Variants in CYTH3 observed in about 807,000 individuals in gnomAD.
The protein encoded by CYTH3 is cytohesin 3, also known as cytohesin-3.
A neutral mutation model predicts 55.1 loss-of-function variants in CYTH3; 23 were observed. The observed-to-expected ratio is 0.42, with a 90% CI of 0.30 to 0.59. CYTH3 has a LOEUF of 0.59. Ranked by LOEUF, CYTH3 falls within the 20% of genes least tolerant of loss-of-function variation. The pLI, the probability that CYTH3 is intolerant of heterozygous loss-of-function variation, is 0.20. For missense variants in CYTH3, 413 were observed against 524.8 expected, an observed-to-expected ratio of 0.79 and a Z score of 2.08; for synonymous variants, 249 against 194.9, an observed-to-expected ratio of 1.28 and a Z score of -2.31.
Position 6,170,801 on chromosome 7 carries a change from C to G in CYTH3, c.711+29G>C. ...GCTCACAGCGAAGAGATCCTGCAGA[C>G]GGCAGCGGCCGCGGGCCGGGGAGCT... On this transcript the variant is annotated intron_variant, in intron 8 of 12. Coordinates refer to ENST00000350796, the MANE Select transcript of CYTH3 (RefSeq NM_004227.4). The surrounding 1 kb of genome is among the most constrained non-coding windows in gnomAD (Gnocchi z 7.8). The G allele has an allele frequency of 6.3e-7, 1 of 1,596,434 alleles. No individual in the cohort carries two copies. Among genetic ancestry groups the G allele is most frequent in the East Asian group, 2.3e-5 (1 of 44,278 alleles).
At chr7:6,232,872 C>A (rs911214307) in intron 1 of CYTH3, among the ~76,000 whole-genome samples, 1 of 152,108 alleles carries the variant, frequency 6.6e-6, no homozygotes, top group South Asian at 2.1e-4. Flanking sequence ...AACTAGGAGC[C>A]CTGAGTTTAC....
intron 1 of CYTH3, among the ~76,000 whole-genome samples, chr7:6,268,725 T>G (rs1780573964): frequency 6.6e-6 from 1 of 152,186 alleles, no homozygotes; most frequent in African/African-American, 2.4e-5. Flanking sequence ...CGCCTGTAAT[T>G]TTTAAAGCTA....
intron 1 of CYTH3, among the ~76,000 whole-genome samples, chr7:6,241,667 G>A (rs955287801): frequency 6.6e-6 from 1 of 152,088 alleles, no homozygotes; most frequent in Admixed American, 6.5e-5. Flanking sequence ...TAAGGTACTG[G>A]ATAAATAAAC....
At chr7:6,183,048 G>C (rs1393748671) in intron 4 of CYTH3, among the ~76,000 whole-genome samples, 1 of 152,250 alleles carries the variant, frequency 6.6e-6, no homozygotes, top group Non-Finnish European at 1.5e-5. Flanking sequence ...GTCTCTGGGA[G>C]TGGGTATTTC....
chr7:6,201,087 G>T (rs1048945606), intron 1 of CYTH3, among the ~76,000 whole-genome samples: 19 of 152,178 alleles, frequency 1.2e-4, no homozygotes, highest in Admixed American at 1.1e-3. Context: ...TGAGTTTCTG[G>T]AGACTACTGA....
At chr7:6,236,794 C>T (rs1779535712) in intron 1 of CYTH3, among the ~76,000 whole-genome samples, 1 of 152,128 alleles carries the variant, frequency 6.6e-6, no homozygotes. Flanking sequence ...AACTCCTGAC[C>T]TCAAGTGATC....
At chr7:6,228,461 G>C (rs150911416) in intron 1 of CYTH3, among the ~76,000 whole-genome samples, 2 of 152,162 alleles carry the variant, frequency 1.3e-5, no homozygotes, top group Admixed American at 6.5e-5. Context: ...TGTGAGAAAA[G>C]AATCAAGTTC....
At chr7:6,265,155 C>G (rs1240667263) in intron 1 of CYTH3, among the ~76,000 whole-genome samples, 1 of 151,496 alleles carries the variant, frequency 6.6e-6, no homozygotes, top group East Asian at 1.9e-4. Flanking sequence ...GAGCAACAGA[C>G]AATGTCAAAG....
At chr7:6,225,648 G>T (rs1779230374) in intron 1 of CYTH3, among the ~76,000 whole-genome samples, 1 of 150,048 alleles carries the variant, frequency 6.7e-6, no homozygotes, top group Non-Finnish European at 1.5e-5. Context: ...GAGCCACCGA[G>T]CATGGCCTGA....
At position 6,164,769 on chromosome 7, in the gene CYTH3, G is replaced by T; in HGVS notation, c.*175C>A. On this transcript the variant is annotated 3_prime_UTR_variant, in exon 13 of 13. Transcript: ENST00000350796. The stretch of plus-strand genomic sequence containing the variant: ...TGCACTGCAGGGCGACCACCTCCCA[G>T]GACCCCAGCCACGGCACGAGGCCTT... 2 of 730,432 alleles carry T rather than the reference G, an allele frequency of 2.7e-6. No individual in the cohort carries two copies. Among genetic ancestry groups the T allele is most frequent in the African/African-American group, 1.8e-5 (1 of 56,892 alleles). 45.2% of individuals were successfully genotyped at this position (730,432 alleles called of 1,614,324 possible).
chr7:6,195,812 C>T (rs1182048329), intron 1 of CYTH3, among the ~76,000 whole-genome samples: 2 of 152,046 alleles, frequency 1.3e-5, no homozygotes. Flanking sequence ...ATGATTCTTT[C>T]CCAGGAGAAA....
At chr7:6,267,870 AT>A (rs993577587) in intron 1 of CYTH3, among the ~76,000 whole-genome samples, 3 of 152,154 alleles carry the variant, frequency 2.0e-5, no homozygotes, top group African/African-American at 7.2e-5. Flanking sequence ...TAAAATGGGT[AT>A]TTTCTTACCA....
intron 1 of CYTH3, among the ~76,000 whole-genome samples, chr7:6,205,012 A>G (rs1438159666): frequency 6.6e-6 from 1 of 152,130 alleles, no homozygotes; most frequent in East Asian, 1.9e-4. Flanking sequence ...TTAAAAATAC[A>G]AAAATTAGCC....
chr7:6,264,999 A>T (rs1173973994), intron 1 of CYTH3, among the ~76,000 whole-genome samples: 2 of 152,230 alleles, frequency 1.3e-5, no homozygotes, highest in Non-Finnish European at 2.9e-5. Flanking sequence ...ATTTGAGCAC[A>T]AACTTGAATG....
In CYTH3 at chr7:6,269,255, T is replaced by C. The variant is rs1318790838; in HGVS notation, c.34+3219A>G. ...TGTGGCTACTTTACACTCTTACCCG[T>C]AAATGTTTGAAACGACCTTGCCGTT... On this transcript the variant is annotated intron_variant, in intron 1 of 12. Coordinates refer to ENST00000350796, the MANE Select transcript of CYTH3 (RefSeq NM_004227.4). 2.6e-5 allele frequency among the ~76,000 whole-genome samples: 4 copies of C among 152,240 alleles called. No homozygotes were observed. The South Asian group carries it at 8.3e-4, about 31-fold the overall frequency.
intron 1 of CYTH3, among the ~76,000 whole-genome samples, chr7:6,223,945 C>T (rs1779166460): frequency 6.8e-6 from 1 of 147,802 alleles, no homozygotes. Context: ...GCAGTCAAAT[C>T]ATACAACCCT....
At chr7:6,260,513 G>C (rs950592738) in intron 1 of CYTH3, among the ~76,000 whole-genome samples, 2 of 151,940 alleles carry the variant, frequency 1.3e-5, no homozygotes, top group African/African-American at 4.8e-5. Context: ...CTTTCCTTCA[G>C]CAAAGACACA....
At chr7:6,196,190 C>T (rs1783921990) in intron 1 of CYTH3, among the ~76,000 whole-genome samples, 1 of 152,174 alleles carries the variant, frequency 6.6e-6, no homozygotes, top group Admixed American at 6.5e-5. Flanking sequence ...CTCCACCTGA[C>T]ATTTTACTGT....
At chr7:6,218,017 T>C (rs1350560334) in intron 1 of CYTH3, among the ~76,000 whole-genome samples, 1 of 151,770 alleles carries the variant, frequency 6.6e-6, no homozygotes, top group Non-Finnish European at 1.5e-5. Context: ...ACCTCATCTC[T>C]ATGAAAAATA....
Sources: allele counts gnomAD v4.1 joint callset (sites outside exome capture counted in the v4.1 genomes callset), GRCh38; gene constraint gnomAD v4.1.1; non-coding constraint Gnocchi (gnomAD v3.1); transcripts MANE v1.5; gene names NCBI Gene and HGNC (gene_info 2026-07-23, HGNC 2026-07-21).